The following USP34 variants were observed in gnomAD, a reference collection of about 807,000 sequenced individuals.
USP34 encodes ubiquitin carboxyl-terminal hydrolase 34.
A neutral mutation model predicts 460.3 loss-of-function variants in USP34; 70 were observed. The observed-to-expected ratio is 0.15, with a 90% CI of 0.13 to 0.19. USP34 has a LOEUF of 0.19. USP34 is among the 10% of genes least tolerant of loss of function. USP34 has a pLI of 1.00. For missense variants in USP34, 3,985 were observed against 4,236.2 expected (o/e 0.94, Z 1.65); for synonymous variants, 1,647 against 1,405.3 (o/e 1.17, Z -3.85).
At chr2:61,355,613 C>A (rs1229602517) in intron 10 of USP34, among the ~76,000 whole-genome samples, 1 of 139,494 alleles carries the variant, frequency 7.2e-6, no homozygotes, top group African/African-American at 2.8e-5. Flanking sequence ...ACTACAAAAA[C>A]AACAACAACA....
At position 61,265,541 on chromosome 2, in the gene USP34, T is replaced by C. The variant is rs1689020700; in HGVS notation, c.5634A>G (p.Lys1878=). ...AQHMQSHAPY[K]WDYWPHEDVR... is the part of the protein sequence containing the mutation. The stretch of plus-strand genomic sequence containing the variant: ...CATCTTCATGAGGCCAGTAATCCCA[T>C]TTATAAGGTGCATGGGCTGCTGAAG... Residue 1878 remains lysine (K), a synonymous_variant, in exon 43 of 80, where the codon AAA becomes AAG. Coordinates refer to ENST00000398571, the MANE Select transcript of USP34 (RefSeq NM_014709.4). 6.2e-7 allele frequency: 1 copy of C among 1,609,782 alleles called. No homozygotes were observed.
At chr2:61,467,987 G>A (rs1339427958) in intron 1 of USP34, among the ~76,000 whole-genome samples, 1 of 151,956 alleles carries the variant, frequency 6.6e-6, no homozygotes, top group Non-Finnish European at 1.5e-5. Context: ...GGTACAGGCG[G>A]GAAAAGGGCA....
At chr2:61,284,596 G>A (rs912252035) in intron 35 of USP34, among the ~76,000 whole-genome samples, 5 of 152,112 alleles carry the variant, frequency 3.3e-5, no homozygotes, top group African/African-American at 1.2e-4. Flanking sequence ...GGTCTTAGGA[G>A]ATACACAACA....
chr2:61,326,690 A>C (rs898499601), intron 20 of USP34, among the ~76,000 whole-genome samples: 1 of 151,892 alleles, frequency 6.6e-6, no homozygotes, highest in African/African-American at 2.4e-5. Flanking sequence ...CAGACTGTGG[A>C]TCAACTGCCC....
intron 67 of USP34, among the ~76,000 whole-genome samples, chr2:61,216,525 G>A (rs1042365589): frequency 3.2e-4 from 48 of 151,424 alleles, no homozygotes; most frequent in African/African-American, 9.0e-4. Context: ...GTGTGAACCC[G>A]GGAGGCAGAG....
chr2:61,222,839 G>A, intron 64 of USP34, 176 bp from the exon 65 acceptor site: 1 of 690,284 alleles, frequency 1.4e-6, no homozygotes, highest in Admixed American at 2.9e-5. Flanking sequence ...GGGACTACAG[G>A]CATGTGCCAC....
chr2:61,395,128 G>C, intron 4 of USP34, 55 bp downstream of exon 4: 1 of 1,456,710 alleles, frequency 6.9e-7, no homozygotes, highest in East Asian at 2.3e-5. Context: ...TATGGATGAG[G>C]CTTTGTTAAA....
chr2:61,453,068 A>C (rs1695332086), intron 1 of USP34, among the ~76,000 whole-genome samples: 1 of 152,192 alleles, frequency 6.6e-6, no homozygotes, highest in South Asian at 2.1e-4. Flanking sequence ...TTTAGGCAAT[A>C]AATTAATACA....
At chr2:61,252,063 G>A (rs1013848206) in intron 48 of USP34, among the ~76,000 whole-genome samples, 8 of 152,016 alleles carry the variant, frequency 5.3e-5, no homozygotes, top group South Asian at 2.1e-4. Context: ...GGTAGACTAC[G>A]GTAAACACCA....
chr2:61,236,147 CAT>C lies in USP34; in HGVS notation c.6918+12_6918+13del. 3 of 1,602,076 alleles carry C rather than the reference CAT, an allele frequency of 1.9e-6. No homozygotes were observed. The highest frequency in any genetic ancestry group is 1.7e-6 in the Non-Finnish European group (2 of 1,176,102). ...AATTTTGACAGAATTATTTAAAGTT[CAT>C]ATATTTATTACCTTTGCTGTCATTA... On this transcript the variant is annotated intron_variant, in intron 55 of 79. Transcript: ENST00000398571.
At chr2:61,406,463 T>C (rs1693873044) in intron 2 of USP34, among the ~76,000 whole-genome samples, 1 of 152,262 alleles carries the variant, frequency 6.6e-6, no homozygotes, top group South Asian at 2.1e-4. Flanking sequence ...AGCAAGTTAT[T>C]AGGAAACTTA....
intron 75 of USP34, 54 bp downstream of exon 75, chr2:61,203,086 G>T: frequency 6.9e-7 from 1 of 1,441,788 alleles, no homozygotes; most frequent in South Asian, 1.7e-5. Context: ...CTTCCTGAAT[G>T]ACTAGGGGCT....
At chr2:61,353,006 T>A (rs1169927490) in intron 10 of USP34, among the ~76,000 whole-genome samples, 7 of 152,220 alleles carry the variant, frequency 4.6e-5, no homozygotes. Context: ...TCTGAACTTC[T>A]ACACTTAACA....
At chr2:61,207,786 C>T (rs1033907909) in intron 70 of USP34, 3 of 152,062 alleles carry the variant, frequency 2.0e-5, no homozygotes, top group Admixed American at 2.0e-4. Context: ...AATACTTAGC[C>T]TTCCTCAAAC....
chr2:61,366,418 A>C (rs937234311), intron 10 of USP34, among the ~76,000 whole-genome samples: 2 of 152,232 alleles, frequency 1.3e-5, no homozygotes, highest in Non-Finnish European at 1.5e-5. Context: ...TTTTCTATAA[A>C]GTATGATTCT....
At chr2:61,201,455 C>G (rs950659050) in intron 75 of USP34, among the ~76,000 whole-genome samples, 1 of 152,098 alleles carries the variant, frequency 6.6e-6, no homozygotes, top group African/African-American at 2.4e-5. Flanking sequence ...CCTCGTGATC[C>G]GCCCGCCTTG....
At chr2:61,283,549 C>CCA (rs1414132914) in intron 35 of USP34, 100 bp from the exon 36 acceptor site, 2 of 1,302,580 alleles carry the variant, frequency 1.5e-6, no homozygotes, top group Non-Finnish European at 2.1e-6. Context: ...CACTTCCCCC[C>CCA]CAAAAAAGGA....
At chr2:61,317,867 A>G in intron 22 of USP34, 100 bp from the exon 23 acceptor site, 1 of 788,806 alleles carries the variant, frequency 1.3e-6, no homozygotes, top group Non-Finnish European at 2.0e-6. Context: ...GTAGAAGGAA[A>G]CAGATCAGTT....
intron 43 of USP34, among the ~76,000 whole-genome samples, chr2:61,260,658 G>A (rs1688852519): frequency 1.3e-5 from 2 of 152,058 alleles, no homozygotes; most frequent in Admixed American, 1.3e-4. Flanking sequence ...AACAGGAATT[G>A]AACAAAGGGA....
Sources: allele counts gnomAD v4.1 joint callset (sites outside exome capture counted in the v4.1 genomes callset), GRCh38; gene constraint gnomAD v4.1.1; transcripts MANE v1.5; gene names NCBI Gene and HGNC (gene_info 2026-07-23, HGNC 2026-07-21).